The following ZPBP2 variants were observed in gnomAD, a reference collection of about 807,000 sequenced individuals.
ZPBP2 encodes zona pellucida-binding protein 2.
In ZPBP2, 34 loss-of-function variants were observed where a neutral mutation model predicts 37.5. That is an observed-to-expected ratio of 0.91 (90% CI 0.69 to 1.21). ZPBP2 has a LOEUF of 1.21. ZPBP2 is among the 50% of genes most tolerant of loss of function. ZPBP2 has a pLI of 0.00. For synonymous variants in ZPBP2, 143 were observed against 138.4 expected (o/e 1.03, Z -0.23); for missense variants, 397 against 413.5 (o/e 0.96, Z 0.35).
At chr17:39,871,736 T>C in intron 4 of ZPBP2, 111 bp downstream of exon 4, 1 of 847,358 alleles carries the variant, frequency 1.2e-6, no homozygotes, top group Non-Finnish European at 1.7e-6. Flanking sequence ...TCACCAATTA[T>C]GACTTACAAA....
chr17:39,868,645 T>G (rs1364559278), intron 2 of ZPBP2, 31 bp downstream of exon 2: 1 of 1,613,246 alleles, frequency 6.2e-7, no homozygotes, highest in Admixed American at 1.7e-5. Flanking sequence ...CGCGGGCCCA[T>G]TGGAGGGGCC....
At chr17:39,868,476 C>T in intron 1 of ZPBP2, 70 bp downstream of exon 1, 1 of 1,612,966 alleles carries the variant, frequency 6.2e-7, no homozygotes, top group Non-Finnish European at 8.5e-7. Context: ...CCTCCTTCGC[C>T]TCGCCCTGCC....
At position 39,868,323 on chromosome 17, in the gene ZPBP2, TCGACGCCTCCTG is replaced by T. The variant is rs769082747; in HGVS notation, c.-24_-13del. On this transcript the variant is annotated 5_prime_UTR_variant, in exon 1 of 8. Transcript: ENST00000348931. Reference sequence around the variant, plus strand: ...GCTGAGGTAGGAGGGAGTCTGTCCCTCGACGCCTCCTGCGACGCCAGCCCCTGAGCGATGATG... The same window carrying T: ...GCTGAGGTAGGAGGGAGTCTGTCCCTCGACGCCAGCCCCTGAGCGATGATG... The T allele has an allele frequency of 1.3e-5, 21 of 1,603,758 alleles. No individual in the cohort carries two copies. In the Admixed American group the frequency reaches 1.8e-4, roughly 14 times the overall value.
chr17:39,870,430 A>G, intron 2 of ZPBP2, among the ~76,000 whole-genome samples: 1 of 152,172 alleles, frequency 6.6e-6, no homozygotes. Flanking sequence ...AATGAACTTT[A>G]AATATATCAT....
At chr17:39,870,842 CT>C in intron 3 of ZPBP2, 23 bp downstream of exon 3, 4 of 1,461,186 alleles carry the variant, frequency 2.7e-6, no homozygotes, top group East Asian at 2.4e-5. Flanking sequence ...TTAATATGTA[CT>C]TTTTTAATGA....
At chr17:39,875,154 G>A (rs1280037907) in intron 6 of ZPBP2, 100 bp from the exon 7 acceptor site, 26 of 1,081,072 alleles carry the variant, frequency 2.4e-5, no homozygotes, top group Non-Finnish European at 9.4e-6. Flanking sequence ...TCTACGTTAA[G>A]TATGGCATGC....
At chr17:39,874,546 C>T (rs909265449) in intron 6 of ZPBP2, among the ~76,000 whole-genome samples, 1 of 152,058 alleles carries the variant, frequency 6.6e-6, no homozygotes, top group Non-Finnish European at 1.5e-5. Context: ...ATTCTTGTGC[C>T]TCAGCTTCCC....
rs745811113 is a variant in ZPBP2, at chr17:39,870,691, C to G, written c.119-3C>G. On this transcript the variant is annotated splice_region_variant and splice_polypyrimidine_tract_variant and intron_variant, in intron 2 of 7. Coordinates refer to ENST00000348931, the MANE Select transcript of ZPBP2 (RefSeq NM_199321.3). ...AGTTATACATTATTTTATTTCATCA[C>G]AGACAAAATATATGTAGAGTTACAT... 1 of 1,388,818 alleles carries G rather than the reference C, an allele frequency of 7.2e-7. No homozygotes were observed. Among genetic ancestry groups the G allele is most frequent in the Non-Finnish European group, 9.7e-7 (1 of 1,035,330 alleles). The allele number at this position is 1,388,818 out of a possible 1,614,324, so 86.0% of individuals were successfully genotyped here. A position where few individuals can be genotyped will look rare whatever the true frequency, so the allele number is the denominator to read the frequency against.
intron 3 of ZPBP2, 38 bp downstream of exon 3, chr17:39,870,857 G>T: frequency 1.4e-6 from 2 of 1,420,042 alleles, no homozygotes; most frequent in South Asian, 1.7e-5. Flanking sequence ...TTAATGATGT[G>T]AACATATTTT....
intron 5 of ZPBP2, among the ~76,000 whole-genome samples, 181 bp from the exon 6 acceptor site, chr17:39,872,863 G>C (rs901380804): frequency 6.6e-6 from 1 of 152,186 alleles, no homozygotes; most frequent in African/African-American, 2.4e-5. Context: ...TTAGCCCCCA[G>C]ATGCAGTGAA....
chr17:39,870,905 A>G, intron 3 of ZPBP2, 86 bp downstream of exon 3: 1 of 1,206,342 alleles, frequency 8.3e-7, no homozygotes, highest in Non-Finnish European at 1.1e-6. Flanking sequence ...GAACAAATTG[A>G]AATTTAATTT....
intron 2 of ZPBP2, among the ~76,000 whole-genome samples, chr17:39,869,754 C>T (rs1221098245): frequency 7.2e-6 from 1 of 139,434 alleles, no homozygotes; most frequent in East Asian, 2.1e-4. Context: ...GCTCCATTGC[C>T]CAGGCTGGAG....
chr17:39,868,481 C>T lies in ZPBP2; in HGVS notation c.53-68C>T. Reference sequence around the variant, plus strand: ...CCCGGTCCTGCCTCCTTCGCCTCGCCCTGCCCTGCCCGACTCTGAACCCTG... The same window carrying T: ...CCCGGTCCTGCCTCCTTCGCCTCGCTCTGCCCTGCCCGACTCTGAACCCTG... On this transcript the variant is annotated intron_variant, in intron 1 of 7. Coordinates refer to ENST00000348931, the MANE Select transcript of ZPBP2 (RefSeq NM_199321.3). The T allele has an allele frequency of 2.5e-6, 4 of 1,613,262 alleles. No homozygotes were observed. The South Asian group carries it at 4.4e-5, about 18-fold the overall frequency.
intron 2 of ZPBP2, among the ~76,000 whole-genome samples, chr17:39,869,290 T>C (rs2063350441): frequency 6.6e-6 from 1 of 152,136 alleles, no homozygotes; most frequent in Non-Finnish European, 1.5e-5. Context: ...CTTCCTAATA[T>C]GCCCAGATAG....
At chr17:39,875,934 T>TCACC (rs2063388667) in intron 7 of ZPBP2, among the ~76,000 whole-genome samples, 1 of 109,048 alleles carries the variant, frequency 9.2e-6, no homozygotes, top group Non-Finnish European at 2.1e-5. Flanking sequence ...TCTGGCTCTG[T>TCACC]TACCCAGGCT....
In ZPBP2 at chr17:39,873,143, A is replaced by G. The variant is rs1350429402; in HGVS notation, c.708+17A>G. The stretch of plus-strand genomic sequence containing the variant: ...ATCCTCCAGGTGAGAATTTCATGGT[A>G]AGGAAGAAGTATTTGTCTTTTTCTT... On this transcript the variant is annotated intron_variant, in intron 6 of 7. Coordinates refer to ENST00000348931, the MANE Select transcript of ZPBP2 (RefSeq NM_199321.3). The G allele has an allele frequency of 6.2e-7, 1 of 1,601,602 alleles. No homozygotes were observed. The highest frequency in any genetic ancestry group is 1.7e-5 in the Admixed American group (1 of 57,582).
chr17:39,873,264 T>C, intron 6 of ZPBP2, 138 bp downstream of exon 6: 1 of 575,782 alleles, frequency 1.7e-6, no homozygotes, highest in Non-Finnish European at 2.9e-6. Context: ...TCTTCCTCCC[T>C]CAGCCAAGGA....
intron 6 of ZPBP2, among the ~76,000 whole-genome samples, chr17:39,874,243 T>C (rs1262001325): frequency 2.6e-5 from 4 of 152,080 alleles, no homozygotes; most frequent in Admixed American, 2.6e-4. Flanking sequence ...TCTGCACATA[T>C]CTGCCTCCCA....
Position 39,873,054 on chromosome 17 carries a change from T to G in ZPBP2, c.636T>G (p.Phe212Leu), listed in dbSNP as rs745994922. Reference protein sequence around the residue: ...ELFIAFQVNPFAPGWKGACNG... With the variant: ...ELFIAFQVNPLAPGWKGACNG... ...TTTTTTTCTCTTCAGTTAATCCTTT[T>G]GCGCCGGGGTGGAAAGGTGCTTGCA... The change falls in exon 6 of 8, where the codon TTT becomes TTG. Residue 212 changes from phenylalanine (F) to leucine (L), a missense_variant. Transcript: ENST00000348931. The G allele has an allele frequency of 6.2e-7, 1 of 1,611,100 alleles. No homozygotes were observed. Among genetic ancestry groups the G allele is most frequent in the Non-Finnish European group, 8.5e-7 (1 of 1,178,836 alleles).
Sources: allele counts gnomAD v4.1 joint callset (sites outside exome capture counted in the v4.1 genomes callset), GRCh38; gene constraint gnomAD v4.1.1; transcripts MANE v1.5; gene names NCBI Gene and HGNC (gene_info 2026-07-23, HGNC 2026-07-21).